RBMS1: variants seen among roughly 807,000 people sequenced by gnomAD.
RBMS1 encodes RNA binding motif single stranded interacting protein 1.
In RBMS1, 17 loss-of-function variants were observed where a neutral mutation model predicts 62.3. The observed-to-expected ratio is 0.27, with a 90% confidence interval of 0.19 to 0.41. RBMS1 has a LOEUF of 0.41. RBMS1 is among the 10% of genes least tolerant of loss of function. The pLI is 1.00. For synonymous variants in RBMS1, 172 were observed against 170.0 expected (o/e 1.01, Z -0.09); for missense variants, 334 against 504.5 (o/e 0.66, Z 3.24).
At chr2:160,386,175 T>C (rs1694563576) in intron 1 of RBMS1, among the ~76,000 whole-genome samples, 1 of 152,224 alleles carries the variant, frequency 6.6e-6, no homozygotes, top group Non-Finnish European at 1.5e-5. Flanking sequence ...CCAAATACTT[T>C]GAATTGAATG....
At chr2:160,427,316 C>T (rs6432616) in intron 1 of RBMS1, among the ~76,000 whole-genome samples, 76,719 of 151,830 alleles carry the variant, frequency 0.51, 20,487 homozygotes, top group East Asian at 0.63. Flanking sequence ...AAAACTGTAC[C>T]TCCCATATAT....
chr2:160,293,589 T>G (rs1414059246), intron 6 of RBMS1, among the ~76,000 whole-genome samples: 1 of 152,172 alleles, frequency 6.6e-6, no homozygotes, highest in Non-Finnish European at 1.5e-5. Flanking sequence ...TCCATTAATG[T>G]CATGGAGAGG....
At chr2:160,359,769 T>A (rs537174760) in intron 2 of RBMS1, among the ~76,000 whole-genome samples, 4 of 152,338 alleles carry the variant, frequency 2.6e-5, no homozygotes, top group African/African-American at 9.6e-5. Flanking sequence ...CTAATCATTT[T>A]GTAATAAAAG....
chr2:160,341,055 ATTAG>A (rs1034184236), intron 2 of RBMS1, among the ~76,000 whole-genome samples: 3 of 152,180 alleles, frequency 2.0e-5, no homozygotes, highest in African/African-American at 7.2e-5. Flanking sequence ...CAGAAAAATT[ATTAG>A]TTATTTTAGA....
chr2:160,402,829 A>G (rs1055936191), intron 1 of RBMS1, among the ~76,000 whole-genome samples: 1 of 152,214 alleles, frequency 6.6e-6, no homozygotes, highest in Non-Finnish European at 1.5e-5. Context: ...TATGGATGCT[A>G]TGAAGATTAA....
At chr2:160,388,774 G>A (rs532144064) in intron 1 of RBMS1, among the ~76,000 whole-genome samples, 4 of 152,268 alleles carry the variant, frequency 2.6e-5, no homozygotes, top group South Asian at 4.1e-4. Flanking sequence ...CCCTCCCTGC[G>A]ATGCGAGAGG....
intron 10 of RBMS1, among the ~76,000 whole-genome samples, 160 bp downstream of exon 10, chr2:160,281,154 T>C (rs983705783): frequency 6.6e-6 from 1 of 152,208 alleles, no homozygotes; most frequent in Non-Finnish European, 1.5e-5. Context: ...AGTTGTTTTA[T>C]AAGGATGAGA....
chr2:160,456,414 T>C (rs970343986), intron 1 of RBMS1, among the ~76,000 whole-genome samples: 1 of 152,194 alleles, frequency 6.6e-6, no homozygotes, highest in Non-Finnish European at 1.5e-5. Flanking sequence ...AGGGAAGTTT[T>C]TTTATTATTT....
At chr2:160,376,636 CTTATT>C (rs1311284363) in intron 1 of RBMS1, among the ~76,000 whole-genome samples, 1 of 150,956 alleles carries the variant, frequency 6.6e-6, no homozygotes, top group African/African-American at 2.4e-5. Flanking sequence ...TTTAATTTAT[CTTATT>C]TTATTTTTTT....
chr2:160,352,071 T>C (rs960684847), intron 2 of RBMS1, among the ~76,000 whole-genome samples: 11 of 152,274 alleles, frequency 7.2e-5, no homozygotes, highest in East Asian at 1.9e-4. Context: ...TAATGTTGGA[T>C]GCAAAGCTGA....
chr2:160,326,760 G>A (rs1196611075), intron 2 of RBMS1, among the ~76,000 whole-genome samples: 1 of 152,180 alleles, frequency 6.6e-6, no homozygotes, highest in Non-Finnish European at 1.5e-5. Context: ...ACGAGACGGA[G>A]GGGGTGAATG....
intron 6 of RBMS1, among the ~76,000 whole-genome samples, chr2:160,291,847 T>G (rs984389676): frequency 5.3e-5 from 8 of 152,210 alleles, no homozygotes; most frequent in Non-Finnish European, 7.3e-5. Flanking sequence ...TTGACAATAT[T>G]AAAGTCATGT....
chr2:160,407,880 T>C (rs1224375911), intron 1 of RBMS1: 2 of 980,736 alleles, frequency 2.0e-6, no homozygotes, highest in Non-Finnish European at 2.4e-6. Context: ...CGTCCCCACC[T>C]ACCGCGGCCT....
intron 9 of RBMS1, chr2:160,282,853 G>C (rs1340501015): frequency 6.6e-6 from 1 of 152,588 alleles, no homozygotes; most frequent in African/African-American, 2.4e-5. Context: ...ATCACTTAAA[G>C]CTCATCCACT....
intron 1 of RBMS1, among the ~76,000 whole-genome samples, chr2:160,383,936 G>A (rs745490263): frequency 9.8e-5 from 15 of 152,316 alleles, no homozygotes; most frequent in South Asian, 2.1e-4. Context: ...AGTGGCTCAC[G>A]CCTGTAATCC....
At chr2:160,309,121 G>A (rs1689711710) in intron 4 of RBMS1, among the ~76,000 whole-genome samples, 1 of 152,170 alleles carries the variant, frequency 6.6e-6, no homozygotes, top group African/African-American at 2.4e-5. Flanking sequence ...CCTGAAAGGC[G>A]CTGGCTGAGA....
chr2:160,478,098 T>C (rs1196238481), intron 1 of RBMS1, among the ~76,000 whole-genome samples: 1 of 152,226 alleles, frequency 6.6e-6, no homozygotes, highest in African/African-American at 2.4e-5. Flanking sequence ...CTCTCCCCAT[T>C]CTTAAAACAC....
chr2:160,420,964 G>T (rs1436067074), intron 1 of RBMS1, among the ~76,000 whole-genome samples: 1 of 151,986 alleles, frequency 6.6e-6, no homozygotes, highest in African/African-American at 2.4e-5. Context: ...ATGGTACCAC[G>T]ATGTATTTTA....
intron 9 of RBMS1, chr2:160,282,392 C>T: frequency 8.8e-7 from 1 of 1,130,042 alleles, no homozygotes. Flanking sequence ...TTGGTGGTTT[C>T]TTGCAGCTGC....
Sources: allele counts gnomAD v4.1 joint callset (sites outside exome capture counted in the v4.1 genomes callset), GRCh38; gene constraint gnomAD v4.1.1; transcripts MANE v1.5; gene names NCBI Gene and HGNC (gene_info 2026-07-23, HGNC 2026-07-21).